The following LHFPL3 variants were observed in gnomAD, a reference collection of about 807,000 sequenced individuals.
LHFPL3 encodes the protein LHFPL tetraspan subfamily member 3, also known as LHFPL tetraspan subfamily member 3 protein.
A neutral mutation model predicts 19.3 loss-of-function variants in LHFPL3; 5 were observed. The observed-to-expected ratio is 0.26, with a 90% CI of 0.14 to 0.54. The LOEUF (loss-of-function observed/expected upper bound fraction) is 0.54, where lower values mean the gene tolerates loss of function less well. Ranked by LOEUF, LHFPL3 falls within the 20% of genes least tolerant of loss-of-function variation. The pLI is 0.94. For synonymous variants in LHFPL3, 133 were observed against 126.2 expected, an observed-to-expected ratio of 1.05 and a Z score of -0.36; for missense variants, 249 against 307.4, an observed-to-expected ratio of 0.81 and a Z score of 1.42.
chr7:104,757,167 C>T (rs1388653637), intron 2 of LHFPL3, among the ~76,000 whole-genome samples: 1 of 152,096 alleles, frequency 6.6e-6, no homozygotes, highest in African/African-American at 2.4e-5. Flanking sequence ...GCGGAAGAAT[C>T]AAACTGGACC....
rs1791264836 is a variant in LHFPL3 at position 104,399,445 on chromosome 7, T to G, written c.445+70221T>G. On this transcript the variant is annotated intron_variant, in intron 1 of 2. Coordinates refer to ENST00000424859, the MANE Select transcript of LHFPL3 (RefSeq NM_199000.3). The surrounding 1 kb of genome is among the most constrained non-coding windows in gnomAD (Gnocchi z 4.4). ...CTATGTTCTTCTGTTTTTTTTTGTT[T>G]TTTAGGTTTTTTTTGTTTGTTTGTT... is the stretch of plus-strand genomic sequence containing the variant. Among the ~76,000 whole-genome samples the G allele has an allele frequency of 6.6e-6, 1 of 151,902 alleles. No homozygotes were observed. Among genetic ancestry groups the G allele is most frequent in the South Asian group, 2.1e-4 (1 of 4,818 alleles).
chr7:104,583,260 G>A lies in LHFPL3; in HGVS notation c.446-153415G>A, dbSNP rs551394197. On this transcript the variant is annotated intron_variant, in intron 1 of 2. Transcript: ENST00000424859. ...TGCTGGGAAAACTGGCTAGCCACAT[G>A]TAGAAAGCTGAAACTGGATCCCTTC... Among the ~76,000 whole-genome samples, 47 of 152,290 alleles carry A rather than the reference G, an allele frequency of 3.1e-4. No homozygotes were observed. The South Asian group carries it at 6.4e-3, about 21-fold the overall frequency.
chr7:104,476,951 T>G (rs1242006154), intron 1 of LHFPL3, among the ~76,000 whole-genome samples: 1 of 152,280 alleles, frequency 6.6e-6, no homozygotes, highest in East Asian at 1.9e-4. Context: ...GTTGAACATC[T>G]CATTGTGATG....
rs1397713913 is a variant in LHFPL3, at chr7:104,686,487, C to G, written c.446-50188C>G. ...CAGTGTTTTTTGTACTCTCACTCAC[C>G]ACTCAGCACAAACCTTCTGAAACCA... is the stretch of plus-strand genomic sequence containing the variant. On this transcript the variant is annotated intron_variant, in intron 1 of 2. Coordinates refer to ENST00000424859, the MANE Select transcript of LHFPL3 (RefSeq NM_199000.3). 2.6e-5 allele frequency among the ~76,000 whole-genome samples: 4 copies of G among 152,194 alleles called. No homozygotes were observed. The East Asian group carries it at 7.7e-4, about 29-fold the overall frequency.
At chr7:104,529,942 AG>A (rs1484381288) in intron 1 of LHFPL3, among the ~76,000 whole-genome samples, 1 of 152,158 alleles carries the variant, frequency 6.6e-6, no homozygotes, top group African/African-American at 2.4e-5. Flanking sequence ...AAGAGGGGCA[AG>A]GATATGCAGG....
chr7:104,469,477 A>G (rs938802497), intron 1 of LHFPL3, among the ~76,000 whole-genome samples: 12 of 152,180 alleles, frequency 7.9e-5, no homozygotes, highest in Non-Finnish European at 1.6e-4. Context: ...GTTTTTTTCT[A>G]AAATAAATAG....
At chr7:104,794,777 G>A (rs1380649705) in intron 2 of LHFPL3, among the ~76,000 whole-genome samples, 6 of 152,192 alleles carry the variant, frequency 3.9e-5, no homozygotes, top group Admixed American at 3.9e-4. Context: ...TCACTTAGAA[G>A]TTGCCAATCA....
intron 1 of LHFPL3, among the ~76,000 whole-genome samples, chr7:104,406,493 T>C (rs1325805708): frequency 2.6e-5 from 4 of 152,222 alleles, no homozygotes; most frequent in Non-Finnish European, 5.9e-5. Flanking sequence ...AAAATGACAT[T>C]GTTATAACTA....
chr7:104,680,813 G>T (rs1270766578), intron 1 of LHFPL3, among the ~76,000 whole-genome samples: 3 of 152,154 alleles, frequency 2.0e-5, no homozygotes, highest in Non-Finnish European at 2.9e-5. Flanking sequence ...AAGAAAAGAA[G>T]GGAGGCATGG....
chr7:104,404,918 TA>T (rs977941257), intron 1 of LHFPL3, among the ~76,000 whole-genome samples: 6 of 152,158 alleles, frequency 3.9e-5, no homozygotes, highest in Admixed American at 2.6e-4. Context: ...TTTACCTACA[TA>T]AAAAAGGTAA....
intron 1 of LHFPL3, among the ~76,000 whole-genome samples, chr7:104,719,875 T>G (rs984968830): frequency 2.6e-5 from 4 of 152,192 alleles, no homozygotes; most frequent in African/African-American, 4.8e-5. Flanking sequence ...CGAGCAAGTA[T>G]TTGACATTTG....
intron 1 of LHFPL3, among the ~76,000 whole-genome samples, chr7:104,467,074 A>C (rs1397719400): frequency 4.1e-5 from 6 of 146,472 alleles, no homozygotes; most frequent in Non-Finnish European, 9.1e-5. Flanking sequence ...TATCTAAAAC[A>C]ATTTATTTTT....
In LHFPL3 at chr7:104,572,583, T is replaced by C. The variant is rs1264366976; in HGVS notation, c.446-164092T>C. ...CCAATTTTATAGAACTACATCTATT[T>C]CTTTTTGAAAAATGCAATCTACTGT... is the stretch of plus-strand genomic sequence containing the variant. On this transcript the variant is annotated intron_variant, in intron 1 of 2. Transcript: ENST00000424859. Among the ~76,000 whole-genome samples, 3 of 152,218 alleles carry C rather than the reference T, an allele frequency of 2.0e-5. No homozygotes were observed. In the East Asian group the frequency reaches 5.8e-4, roughly 29 times the overall value.
chr7:104,871,878 G>A (rs932128267), intron 2 of LHFPL3, among the ~76,000 whole-genome samples: 3 of 151,450 alleles, frequency 2.0e-5, no homozygotes, highest in Non-Finnish European at 2.9e-5. Flanking sequence ...GGCTGGTCTC[G>A]AACTCCTGAC....
At chr7:104,558,560 T>C (rs1288033859) in intron 1 of LHFPL3, among the ~76,000 whole-genome samples, 1 of 151,504 alleles carries the variant, frequency 6.6e-6, no homozygotes, top group Non-Finnish European at 1.5e-5. Flanking sequence ...TTTGAGTTCA[T>C]TGTAGATTCT....
rs192216434 is a variant in LHFPL3, at chr7:104,336,549, T to C, written c.445+7325T>C. On this transcript the variant is annotated intron_variant, in intron 1 of 2. Coordinates refer to ENST00000424859, the MANE Select transcript of LHFPL3 (RefSeq NM_199000.3). ...AAGGGGCTTGCAAGGGGAAGATAAA[T>C]AGTTTTTCGACCAATGTAGACATGA... 1.2e-3 allele frequency among the ~76,000 whole-genome samples: 181 copies of C among 149,380 alleles called. 2 individuals are homozygous for C. Among genetic ancestry groups the C allele is most frequent in the Admixed American group, 5.4e-3 (81 of 15,006 alleles).
chr7:104,725,442 A>G (rs1793571596), intron 1 of LHFPL3, among the ~76,000 whole-genome samples: 1 of 152,126 alleles, frequency 6.6e-6, no homozygotes. Context: ...AAAAATATTC[A>G]GTTTTCTTTT....
At chr7:104,790,135 A>G (rs1457399707) in intron 2 of LHFPL3, among the ~76,000 whole-genome samples, 3 of 152,138 alleles carry the variant, frequency 2.0e-5, no homozygotes, top group Non-Finnish European at 4.4e-5. Context: ...AGGGCTCTGC[A>G]CTCTAGCCTA....
intron 1 of LHFPL3, among the ~76,000 whole-genome samples, chr7:104,575,558 CTAAAAAAAAAAAAA>C (rs1790319383): frequency 1.9e-5 from 1 of 51,996 alleles, no homozygotes; most frequent in Non-Finnish European, 3.2e-5. Context: ...CCAAAGAGAT[CTAAAAAAAAAAAAA>C]AAAAAAAAAA....
Sources: allele counts gnomAD v4.1 joint callset (sites outside exome capture counted in the v4.1 genomes callset), GRCh38; gene constraint gnomAD v4.1.1; non-coding constraint Gnocchi (gnomAD v3.1); transcripts MANE v1.5; gene names NCBI Gene and HGNC (gene_info 2026-07-23, HGNC 2026-07-21).